The following STOX1 variants were observed in gnomAD, a reference collection of about 807,000 sequenced individuals.
The protein encoded by STOX1 is storkhead-box protein 1.
STOX1 carries 57 observed loss-of-function variants against 74.8 expected under a neutral mutation model. That is an observed-to-expected ratio of 0.76 (90% CI 0.62 to 0.95). The LOEUF is 0.95. Ranked by LOEUF, STOX1 falls within the 40% of genes least tolerant of loss-of-function variation. STOX1 has a pLI of 0.00. For synonymous variants in STOX1, 375 were observed against 401.3 expected, an observed-to-expected ratio of 0.93 and a Z score of 0.78; for missense variants, 1,010 against 1,117.0, an observed-to-expected ratio of 0.90 and a Z score of 1.37.
chr10:68,835,712 T>G (rs1839531649), intron 1 of STOX1, among the ~76,000 whole-genome samples: 1 of 152,218 alleles, frequency 6.6e-6, no homozygotes, highest in South Asian at 2.1e-4. Context: ...TTGGGCCTTT[T>G]CGATATCCTT....
rs1183501538 is a variant in STOX1 at position 68,886,019 on chromosome 10, C to T, written c.2223C>T (p.Asp741=). The stretch of plus-strand genomic sequence containing the variant: ...GTTCATTATATCTAGAGGAGGATGA[C>T]ATTTCTGAGAATGACGACTTACGTC... ...ACSSLYLEED[D]ISENDDLRQM... is the part of the protein sequence containing the mutation. Residue 741 remains aspartate, a synonymous_variant, in exon 3 of 4, where the codon GAC becomes GAT. Coordinates refer to ENST00000298596, the MANE Select transcript of STOX1 (RefSeq NM_152709.5). 1 of 1,614,152 alleles carries T rather than the reference C, an allele frequency of 6.2e-7. No homozygotes were observed. Among genetic ancestry groups the T allele is most frequent in the East Asian group, 2.2e-5 (1 of 44,886 alleles).
chr10:68,859,060 G>C (rs1015587281), intron 1 of STOX1, among the ~76,000 whole-genome samples: 4 of 151,884 alleles, frequency 2.6e-5, no homozygotes, highest in Non-Finnish European at 5.9e-5. Flanking sequence ...AGGTTCTTTG[G>C]GGACTCACAG....
chr10:68,862,246 GTAA>G (rs1189038494), intron 1 of STOX1, among the ~76,000 whole-genome samples: 1 of 151,830 alleles, frequency 6.6e-6, no homozygotes, highest in African/African-American at 2.4e-5. Context: ...AAGAATTTCA[GTAA>G]TAATATGTAC....
chr10:68,828,862 C>T (rs1839334013), intron 1 of STOX1: 1 of 504,012 alleles, frequency 2.0e-6, no homozygotes. Context: ...TCCACCTTCC[C>T]AGTCTTTTCA....
At chr10:68,876,727 C>G (rs1332280779) in intron 1 of STOX1, among the ~76,000 whole-genome samples, 1 of 152,186 alleles carries the variant, frequency 6.6e-6, no homozygotes, top group East Asian at 1.9e-4. Flanking sequence ...GCCTTCTGAG[C>G]CCCGCTAAGC....
chr10:68,885,247 G>T lies in STOX1; in HGVS notation c.1451G>T (p.Gly484Val). Residue 484 changes from glycine (G) to valine (V), a missense_variant, in exon 3 of 4, where the codon GGT becomes GTT. Coordinates refer to ENST00000298596, the MANE Select transcript of STOX1 (RefSeq NM_152709.5). ...CTTGGTGAGATTACAACAGTGCTAG[G>T]TTCCCATTTGATTTACAAAAAGCGA... is the stretch of plus-strand genomic sequence containing the variant. ...KPLGEITTVL[G>V]SHLIYKKRIS... 2 of 1,614,196 alleles carry T rather than the reference G, an allele frequency of 1.2e-6. No homozygotes were observed. Among genetic ancestry groups the T allele is most frequent in the East Asian group, 2.2e-5 (1 of 44,886 alleles).
chr10:68,860,937 G>A (rs954733261), intron 1 of STOX1, among the ~76,000 whole-genome samples: 4 of 152,010 alleles, frequency 2.6e-5, no homozygotes, highest in East Asian at 3.9e-4. Flanking sequence ...GGCCGGGCGC[G>A]GTGGCTCACA....
chr10:68,858,270 A>C (rs978324554), intron 1 of STOX1, among the ~76,000 whole-genome samples: 2 of 152,118 alleles, frequency 1.3e-5, no homozygotes, highest in Non-Finnish European at 2.9e-5. Flanking sequence ...TCCCACGTAG[A>C]GATCAGAGCT....
At chr10:68,894,033 T>C (rs540778667), downstream of STOX1, among the ~76,000 whole-genome samples, 1 of 152,044 alleles carries the variant, frequency 6.6e-6, no homozygotes, top group South Asian at 2.1e-4. Context: ...ATGATGGTGC[T>C]GATTTATGGT....
At position 68,834,774 on chromosome 10, in the gene STOX1, G is replaced by A. The variant is rs142054300; in HGVS notation, c.310+6841G>A. 6.9e-3 allele frequency among the ~76,000 whole-genome samples: 1,056 copies of A among 151,970 alleles called. 17 individuals are homozygous for A. Among genetic ancestry groups the A allele is most frequent in the African/African-American group, 0.025 (1,020 of 41,458 alleles). The stretch of plus-strand genomic sequence containing the variant: ...GAGTCTCACTCTGTCACCCAGGCTG[G>A]AGTGCAGTGGCGTGATCTCGGCTCA... On this transcript the variant is annotated intron_variant, in intron 1 of 3. Transcript: ENST00000298596.
rs749905136 is a variant in STOX1, at chr10:68,886,419, G to A, written c.2623G>A (p.Gly875Ser). ...AGCTGAAGTCATACAAGACACTATT[G>A]GTGACACAGGAAAGAAGCCAGCTAG... The part of the protein sequence containing the change: ...FEAEVIQDTI[G>S]DTGKKPASWS... Residue 875 changes from glycine to serine, a missense_variant, in exon 3 of 4, where the codon GGT (glycine) becomes AGT (serine). Transcript: ENST00000298596. 1 of 1,614,150 alleles carries A rather than the reference G, an allele frequency of 6.2e-7. No homozygotes were observed. The highest frequency in any genetic ancestry group is 1.7e-5 in the Admixed American group (1 of 60,024).
Position 68,844,331 on chromosome 10 carries a change from C to A in STOX1, c.310+16398C>A, listed in dbSNP as rs183091240. 8.6e-4 allele frequency among the ~76,000 whole-genome samples: 125 copies of A among 145,914 alleles called. 1 individual carries two copies. The highest frequency in any genetic ancestry group is 3.0e-3 in the African/African-American group (118 of 39,576). ...TTTTTTTTTTGAGATAGAATGTCAC[C>A]CTTGTCACCCACACTGGAGTGCAAT... On this transcript the variant is annotated intron_variant, in intron 1 of 3. Coordinates refer to ENST00000298596, the MANE Select transcript of STOX1 (RefSeq NM_152709.5).
chr10:68,885,944 T>A lies in STOX1; in HGVS notation c.2148T>A (p.Asp716Glu). Residue 716 changes from aspartate (D) to glutamate (E), a missense_variant, in exon 3 of 4, where the codon GAT becomes GAA. By Grantham distance (45) the Asp-to-Glu change is conservative (BLOSUM62 2). Coordinates refer to ENST00000298596, the MANE Select transcript of STOX1 (RefSeq NM_152709.5). ...TSLENEQLSN[D>E]DQALYQNEVE... ...TAGAAAATGAACAGCTTTCTAACGA[T>A]GACCAGGCCTTGTATCAGAATGAAG... The A allele has an allele frequency of 6.2e-7, 1 of 1,614,214 alleles. No homozygotes were observed. Among genetic ancestry groups the A allele is most frequent in the Non-Finnish European group, 8.5e-7 (1 of 1,180,042 alleles).
At chr10:68,844,510 G>A (rs568373673) in intron 1 of STOX1, among the ~76,000 whole-genome samples, 101 of 152,080 alleles carry the variant, frequency 6.6e-4, no homozygotes, top group African/African-American at 2.3e-3. Flanking sequence ...TGTTGGCCAG[G>A]TTGGTCTTGA....
intron 1 of STOX1, among the ~76,000 whole-genome samples, chr10:68,869,606 T>C (rs1229453720): frequency 2.6e-5 from 4 of 152,156 alleles, no homozygotes; most frequent in African/African-American, 9.7e-5. Context: ...ATACTGACTA[T>C]TCAGGGAGAG....
At chr10:68,866,978 C>G (rs565632150) in intron 1 of STOX1, among the ~76,000 whole-genome samples, 60 of 144,778 alleles carry the variant, frequency 4.1e-4, no homozygotes, top group Admixed American at 9.8e-4. Flanking sequence ...CAGCCTCTTG[C>G]TCTGTCACCC....
At chr10:68,876,068 T>G (rs1323894882) in intron 1 of STOX1, among the ~76,000 whole-genome samples, 1 of 147,978 alleles carries the variant, frequency 6.8e-6, no homozygotes, top group Non-Finnish European at 1.5e-5. Context: ...ACTTTTGACT[T>G]TTTTTTTTTG....
Position 68,865,634 on chromosome 10 carries a change from G to C in STOX1, c.311-16324G>C, listed in dbSNP as rs567809361. On this transcript the variant is annotated intron_variant, in intron 1 of 3. Transcript: ENST00000298596. ...ACTGCACTCCAGCCTGGGCGACAGA[G>C]TGAGACTCCATCTCGAAACAAAAAA... 6.6e-4 allele frequency among the ~76,000 whole-genome samples: 100 copies of C among 152,300 alleles called. No homozygotes were observed. The Middle Eastern group carries it at 0.014, about 21-fold the overall frequency.
At chr10:68,849,429 A>T (rs1038733142) in intron 1 of STOX1, among the ~76,000 whole-genome samples, 1 of 152,204 alleles carries the variant, frequency 6.6e-6, no homozygotes, top group Non-Finnish European at 1.5e-5. Context: ...ACCATTTCTT[A>T]ATAGTATGGA....
Sources: gnomAD v4.1 joint callset for allele counts (sites outside exome capture counted in the v4.1 genomes callset) on GRCh38, gnomAD v4.1.1 for gene constraint, MANE v1.5 for transcripts, NCBI Gene and HGNC (gene_info 2026-07-23, HGNC 2026-07-21) for gene names.